Variants in GFPT1 observed in about 807,000 individuals in gnomAD.
The protein encoded by GFPT1 is glutamine--fructose-6-phosphate transaminase 1, also known as glutamine--fructose-6-phosphate aminotransferase [isomerizing] 1.
A neutral mutation model predicts 92.0 loss-of-function variants in GFPT1; 40 were observed. The ratio of observed to expected loss-of-function variants is 0.43; its 90% CI spans 0.34 to 0.57. The LOEUF is 0.57. Ranked by LOEUF, GFPT1 falls within the 20% of genes least tolerant of loss-of-function variation. GFPT1 has a pLI of 0.02. For synonymous variants in GFPT1, 269 were observed against 280.6 expected, an observed-to-expected ratio of 0.96 and a Z score of 0.41; for missense variants, 448 against 869.1, an observed-to-expected ratio of 0.52 and a Z score of 6.09.
chr2:69,339,958 C>T (rs990065931), intron 13 of GFPT1, among the ~76,000 whole-genome samples: 62 of 152,100 alleles, frequency 4.1e-4, no homozygotes, highest in African/African-American at 1.5e-3. Context: ...CAAACCTTTT[C>T]ACCCAGTTTA....
Position 69,356,740 on chromosome 2 carries a change from C to T in GFPT1, c.544-183G>A, listed in dbSNP as rs76252573. 0.04 allele frequency among the ~76,000 whole-genome samples: 4,139 copies of T among 103,000 alleles called. 188 individuals are homozygous for T. The highest frequency in any genetic ancestry group is 0.2 in the East Asian group (940 of 4,778). The allele number at this position is 103,000 out of a possible 152,430, so 67.6% of individuals were successfully genotyped here. A position where few individuals can be genotyped will look rare whatever the true frequency, so the allele number is the denominator to read the frequency against. ...TAAGCTTTGGTGTATCCAAGACCCACATTTTTTTTTTTTTTTGAGATGGAG... is the reference window on the plus strand; with the variant it reads ...TAAGCTTTGGTGTATCCAAGACCCATATTTTTTTTTTTTTTTGAGATGGAG... On this transcript the variant is annotated intron_variant, in intron 6 of 19. Transcript: ENST00000357308.
chr2:69,326,704 C>T (rs2104594964), intron 19 of GFPT1, among the ~76,000 whole-genome samples: 2 of 152,288 alleles, frequency 1.3e-5, no homozygotes, highest in Middle Eastern at 6.8e-3. Flanking sequence ...GAGTCACAAT[C>T]TTGGAGGTGA....
At chr2:69,368,194 A>G (rs1245285389) in intron 3 of GFPT1, among the ~76,000 whole-genome samples, 3 of 152,252 alleles carry the variant, frequency 2.0e-5, no homozygotes, top group Non-Finnish European at 2.9e-5. Flanking sequence ...TATCCTGGCT[A>G]ACATGGTGAA....
At chr2:69,335,054 T>C (rs1670760688) in intron 15 of GFPT1, among the ~76,000 whole-genome samples, 1 of 152,136 alleles carries the variant, frequency 6.6e-6, no homozygotes, top group East Asian at 1.9e-4. Context: ...TCATCCAAGC[T>C]AGAGTGTAGT....
chr2:69,355,952 G>C (rs1238024797), intron 7 of GFPT1, among the ~76,000 whole-genome samples: 1 of 148,616 alleles, frequency 6.7e-6, no homozygotes. Flanking sequence ...AAAGACAAAA[G>C]GCCAATTAAA....
chr2:69,367,881 C>A (rs553280351), intron 3 of GFPT1, among the ~76,000 whole-genome samples: 101 of 152,320 alleles, frequency 6.6e-4, no homozygotes, highest in African/African-American at 2.3e-3. Context: ...AATTCACCAG[C>A]AATATCTACA....
rs1670840196 is a variant in GFPT1 at position 69,337,901 on chromosome 2, T to G, written c.1479A>C (p.Thr493=). 2.5e-6 allele frequency: 4 copies of G among 1,613,294 alleles called. No individual in the cohort carries two copies. Among genetic ancestry groups the G allele is most frequent in the East Asian group, 2.2e-5 (1 of 44,874 alleles). ...GAGAAATGAGTCAAGAATTTACCTT[T>G]GTACTGGCCACACCAATCTCAGGAC... is the stretch of plus-strand genomic sequence containing the variant. ...NAGPEIGVAS[T]KAYTSQFVSL... is the part of the protein sequence containing the mutation. The change falls in exon 15 of 20, where the codon ACA becomes ACC. Residue 493 remains threonine, a synonymous_variant. Transcript: ENST00000357308.
chr2:69,353,626 C>T (rs569911541), intron 9 of GFPT1, among the ~76,000 whole-genome samples: 1 of 151,772 alleles, frequency 6.6e-6, no homozygotes, highest in African/African-American at 2.4e-5. Context: ...CCCAAGAGTT[C>T]GAAATTGCAG....
intron 6 of GFPT1, among the ~76,000 whole-genome samples, chr2:69,356,862 C>G (rs1474881750): frequency 2.0e-5 from 3 of 151,994 alleles, no homozygotes; most frequent in Non-Finnish European, 4.4e-5. Flanking sequence ...CTCAGCCTCC[C>G]GAGTAGCTGG....
intron 2 of GFPT1, among the ~76,000 whole-genome samples, chr2:69,370,549 T>C (rs988389126): frequency 3.9e-5 from 6 of 152,200 alleles, no homozygotes; most frequent in Non-Finnish European, 5.9e-5. Context: ...GGGAAAACAC[T>C]GTCCTTTAAG....
At chr2:69,343,194 G>A (rs1341325265) in intron 12 of GFPT1, among the ~76,000 whole-genome samples, 3 of 152,106 alleles carry the variant, frequency 2.0e-5, no homozygotes, top group Non-Finnish European at 4.4e-5. Context: ...TTCTATCTGT[G>A]AGAAATTCTC....
At chr2:69,339,176 T>C (rs1670875277) in intron 13 of GFPT1, among the ~76,000 whole-genome samples, 1 of 152,208 alleles carries the variant, frequency 6.6e-6, no homozygotes, top group Admixed American at 6.5e-5. Flanking sequence ...GTGTTATCTC[T>C]AACCTCCCAA....
At chr2:69,370,325 T>C (rs764165965) in intron 2 of GFPT1, among the ~76,000 whole-genome samples, 9 of 152,228 alleles carry the variant, frequency 5.9e-5, no homozygotes, top group Non-Finnish European at 7.3e-5. Flanking sequence ...CTCAAATTTC[T>C]AAGTCTATCG....
In GFPT1 at chr2:69,370,010, C is replaced by T. The variant is rs757929840; in HGVS notation, c.214G>A (p.Glu72Lys). ...AAATTAAGTACGTTACTGTGAACTT[C>T]TTCATCCAGTGCCTTAACTTTTCCT... ...KKGKVKALDE[E>K]VHKQQDMDLD... The change falls in exon 3 of 20, where the codon GAA becomes AAA. Residue 72 changes from glutamate to lysine, a missense_variant. Transcript: ENST00000357308. 2 of 1,566,938 alleles carry T rather than the reference C, an allele frequency of 1.3e-6. No homozygotes were observed. The highest frequency in any genetic ancestry group is 2.2e-5 in the South Asian group (2 of 90,078).
At position 69,370,123 on chromosome 2, in the gene GFPT1, G is replaced by A; in HGVS notation, c.116-15C>T. ...AAATCCCACACCTAAACCATCATGA[G>A]GTAAAAAAGCAAAATTTAGAAACTG... On this transcript the variant is annotated splice_polypyrimidine_tract_variant and intron_variant, in intron 2 of 19. Transcript: ENST00000357308. 3 of 1,519,178 alleles carry A rather than the reference G, an allele frequency of 2.0e-6. No homozygotes were observed. Among genetic ancestry groups the A allele is most frequent in the Non-Finnish European group, 2.7e-6 (3 of 1,093,726 alleles). 94.1% of individuals were successfully genotyped at this position (1,519,178 alleles called of 1,614,324 possible).
chr2:69,382,747 T>C (rs1165537310), intron 1 of GFPT1, among the ~76,000 whole-genome samples: 6 of 152,138 alleles, frequency 3.9e-5, no homozygotes, highest in Non-Finnish European at 7.3e-5. Flanking sequence ...CCATTAATGA[T>C]TACCTCTCAC....
chr2:69,373,597 T>A (rs1466743777), intron 2 of GFPT1, among the ~76,000 whole-genome samples: 1 of 151,980 alleles, frequency 6.6e-6, no homozygotes, highest in Non-Finnish European at 1.5e-5. Flanking sequence ...CCAGCTGGGG[T>A]GACAGAGTGA....
At chr2:69,369,060 T>C (rs13419122) in intron 3 of GFPT1, among the ~76,000 whole-genome samples, 99,821 of 152,060 alleles carry the variant, frequency 0.66, 34,122 homozygotes, top group African/African-American at 0.86. Context: ...CTACAGAACC[T>C]GCTACAATCA....
intron 4 of GFPT1, among the ~76,000 whole-genome samples, chr2:69,361,252 A>T (rs1360051002): frequency 6.6e-6 from 1 of 151,938 alleles, no homozygotes; most frequent in Non-Finnish European, 1.5e-5. Flanking sequence ...GTTCGAGACC[A>T]GCCTAGCCAA....
Sources: gnomAD v4.1 joint callset for allele counts (sites outside exome capture counted in the v4.1 genomes callset) on GRCh38, gnomAD v4.1.1 for gene constraint, MANE v1.5 for transcripts, NCBI Gene and HGNC (gene_info 2026-07-23, HGNC 2026-07-21) for gene names.